Variants in EYS observed in about 807,000 individuals in gnomAD.
The protein encoded by EYS is protein eyes shut homolog.
A neutral mutation model predicts 282.1 loss-of-function variants in EYS; 250 were observed. That is an observed-to-expected ratio of 0.89 (90% confidence interval 0.80 to 0.98). The LOEUF (loss-of-function observed/expected upper bound fraction) is 0.98, where lower values mean the gene tolerates loss of function less well. EYS is among the 50% of genes least tolerant of loss of function. The pLI is 0.00. For missense variants in EYS, 4,016 were observed against 3,709.0 expected (o/e 1.08, Z -2.15); for synonymous variants, 1,355 against 1,282.9 (o/e 1.06, Z -1.20).
At chr6:65,588,370 G>T (rs573452325) in intron 2 of EYS, among the ~76,000 whole-genome samples, 1 of 151,938 alleles carries the variant, frequency 6.6e-6, no homozygotes, top group South Asian at 2.1e-4. Flanking sequence ...ATCCTTAGAG[G>T]TATCTCCAGA....
chr6:64,122,856 T>A (rs1260197185), intron 31 of EYS, among the ~76,000 whole-genome samples: 1 of 152,088 alleles, frequency 6.6e-6, no homozygotes, highest in African/African-American at 2.4e-5. Flanking sequence ...AAAAAGTAAT[T>A]TAGAAATCGT....
Position 64,035,438 on chromosome 6 carries a change from G to C in EYS, c.6725+30900C>G, listed in dbSNP as rs117850853. 1.6e-3 allele frequency among the ~76,000 whole-genome samples: 248 copies of C among 152,308 alleles called. 2 individuals carry two copies. The East Asian group carries it at 0.036, about 22-fold the overall frequency. ...AAAGAAACTAGGTAGGGCAGGGCTAGATATGGAATGACATCTCAAACATGT... is the reference window on the plus strand; with the variant it reads ...AAAGAAACTAGGTAGGGCAGGGCTACATATGGAATGACATCTCAAACATGT... On this transcript the variant is annotated intron_variant, in intron 33 of 42. Coordinates refer to ENST00000503581, the MANE Select transcript of EYS (RefSeq NM_001142800.2).
chr6:64,216,921 T>C (rs1007220059), intron 31 of EYS, among the ~76,000 whole-genome samples: 1 of 152,160 alleles, frequency 6.6e-6, no homozygotes, highest in Non-Finnish European at 1.5e-5. Context: ...TAATTGAGAA[T>C]TGGGCTGAGA....
At chr6:65,190,246 A>C (rs2150239088) in intron 12 of EYS, among the ~76,000 whole-genome samples, 1 of 148,300 alleles carries the variant, frequency 6.7e-6, no homozygotes, top group South Asian at 2.1e-4. Flanking sequence ...ATGTAAATTT[A>C]TATTTATGTT....
At chr6:65,260,570 A>G (rs1174327226) in intron 12 of EYS, among the ~76,000 whole-genome samples, 1 of 152,066 alleles carries the variant, frequency 6.6e-6, no homozygotes, top group East Asian at 1.9e-4. Context: ...ATATTACATT[A>G]TCACTGCCTC....
intron 29 of EYS, among the ~76,000 whole-genome samples, chr6:64,364,689 T>C (rs928954696): frequency 6.6e-6 from 1 of 151,856 alleles, no homozygotes; most frequent in Non-Finnish European, 1.5e-5. Flanking sequence ...GTTTACCCAC[T>C]TTTACATTTT....
intron 37 of EYS, among the ~76,000 whole-genome samples, chr6:63,796,907 A>G (rs909003600): frequency 5.5e-4 from 84 of 152,230 alleles, no homozygotes; most frequent in Non-Finnish European, 9.3e-4. Context: ...CAAGGCTGAA[A>G]GAGAAAATGT....
intron 12 of EYS, among the ~76,000 whole-genome samples, chr6:65,275,715 T>G (rs1350532436): frequency 6.6e-6 from 1 of 152,074 alleles, no homozygotes; most frequent in African/African-American, 2.4e-5. Context: ...AATTGGAAAT[T>G]TGGGAAAGAA....
At chr6:64,560,938 C>T (rs1765375574) in intron 26 of EYS, among the ~76,000 whole-genome samples, 1 of 152,014 alleles carries the variant, frequency 6.6e-6, no homozygotes, top group East Asian at 1.9e-4. Context: ...TGCAAGTATC[C>T]TTAAAAAATA....
At chr6:63,973,633 T>C (rs1766694389) in intron 35 of EYS, among the ~76,000 whole-genome samples, 2 of 152,228 alleles carry the variant, frequency 1.3e-5, no homozygotes, top group Non-Finnish European at 1.5e-5. Context: ...TTAAGATAAA[T>C]TCGTATGAGA....
intron 19 of EYS, among the ~76,000 whole-genome samples, chr6:64,879,977 T>C (rs1296830076): frequency 6.6e-6 from 1 of 152,038 alleles, no homozygotes; most frequent in Non-Finnish European, 1.5e-5. Flanking sequence ...CTGTGTTTTA[T>C]ATTATTCTCC....
chr6:64,341,700 T>G (rs528010546), intron 29 of EYS, among the ~76,000 whole-genome samples: 1 of 151,828 alleles, frequency 6.6e-6, no homozygotes, highest in East Asian at 1.9e-4. Context: ...AATGACTGCA[T>G]GTCATCCCAA....
At chr6:64,141,113 C>T (rs2150288060) in intron 31 of EYS, among the ~76,000 whole-genome samples, 1 of 152,178 alleles carries the variant, frequency 6.6e-6, no homozygotes, top group Middle Eastern at 3.4e-3. Context: ...AGGCAAACTC[C>T]CAAATATAAA....
At chr6:65,281,276 T>C (rs1768213866) in intron 12 of EYS, among the ~76,000 whole-genome samples, 1 of 152,086 alleles carries the variant, frequency 6.6e-6, no homozygotes, top group Non-Finnish European at 1.5e-5. Flanking sequence ...AGAAGTAGTA[T>C]TTGTAAGTAA....
intron 32 of EYS, among the ~76,000 whole-genome samples, chr6:64,078,488 A>ATTC (rs1181541559): frequency 3.9e-5 from 6 of 152,048 alleles, no homozygotes; most frequent in Admixed American, 3.9e-4. Flanking sequence ...TTCTAAGAGG[A>ATTC]TAGAAAGTAG....
intron 12 of EYS, among the ~76,000 whole-genome samples, chr6:65,143,484 T>A (rs1764401074): frequency 6.6e-6 from 1 of 152,000 alleles, no homozygotes; most frequent in South Asian, 2.1e-4. Context: ...AATAAAATTA[T>A]TCGATTTAGA....
intron 5 of EYS, among the ~76,000 whole-genome samples, chr6:65,408,989 T>A (rs1443041938): frequency 1.3e-5 from 2 of 151,186 alleles, no homozygotes. Flanking sequence ...ATGTTGTTTA[T>A]AATAATTTCC....
chr6:64,814,571 C>G (rs138512066), intron 21 of EYS, among the ~76,000 whole-genome samples: 1 of 151,936 alleles, frequency 6.6e-6, no homozygotes, highest in Non-Finnish European at 1.5e-5. Flanking sequence ...TTTAAGTTTA[C>G]AGTTTAGGGT....
intron 34 of EYS, among the ~76,000 whole-genome samples, chr6:63,994,475 G>A (rs1380950072): frequency 2.0e-5 from 3 of 151,818 alleles, no homozygotes; most frequent in African/African-American, 7.2e-5. Context: ...GACCCTGAAA[G>A]GCCTTGAATT....
Sources: gnomAD v4.1 joint callset for allele counts (sites outside exome capture counted in the v4.1 genomes callset) on GRCh38, gnomAD v4.1.1 for gene constraint, MANE v1.5 for transcripts, NCBI Gene and HGNC (gene_info 2026-07-23, HGNC 2026-07-21) for gene names.